The following LIFR variants were observed in gnomAD, a reference collection of about 807,000 sequenced individuals.
The protein encoded by LIFR is leukemia inhibitory factor receptor.
In LIFR, 84 loss-of-function variants were observed where a neutral mutation model predicts 122.2. The ratio of observed to expected loss-of-function variants is 0.69; its 90% CI spans 0.58 to 0.82. The LOEUF is 0.82. LIFR is among the 40% of genes least tolerant of loss of function. LIFR has a pLI of 0.00. For synonymous variants in LIFR, 422 were observed against 434.7 expected, an observed-to-expected ratio of 0.97 and a Z score of 0.36; for missense variants, 1,294 against 1,311.6, an observed-to-expected ratio of 0.99 and a Z score of 0.21.
rs1743810675 is a variant in LIFR at position 38,478,164 on chromosome 5, G to C, written c.*3431C>G. 9.6e-6 allele frequency: 2 copies of C among 209,168 alleles called. No homozygotes were observed. The highest frequency in any genetic ancestry group is 4.5e-5 in the African/African-American group (2 of 44,002). The allele number at this position is 209,168 out of a possible 1,614,324, so 13.0% of individuals were successfully genotyped here. A position where few individuals can be genotyped will look rare whatever the true frequency, so the allele number is the denominator to read the frequency against. On this transcript the variant is annotated 3_prime_UTR_variant, in exon 20 of 20. Coordinates refer to ENST00000453190, the MANE Select transcript of LIFR (RefSeq NM_001127671.2). ...GGACTTGCAATGTTTGTTAAATATGGACGGCATGAAGACAATTAAGAAACT... is the reference window on the plus strand; with the variant it reads ...GGACTTGCAATGTTTGTTAAATATGCACGGCATGAAGACAATTAAGAAACT...
In LIFR at chr5:38,490,251, A is replaced by G. The variant is rs1744510857; in HGVS notation, c.2106T>C (p.Tyr702=). ...ATTGATATCCTTGATTTCTGCATCCATACAGGAAAAAATTATATCTTATAC... is the reference window on the plus strand; with the variant it reads ...ATTGATATCCTTGATTTCTGCATCCGTACAGGAAAAAATTATATCTTATAC... ...RPGIRYNFFL[Y]GCRNQGYQLL... is the part of the protein sequence containing the mutation. The change falls in exon 15 of 20, where the codon TAT becomes TAC. Residue 702 remains tyrosine, a synonymous_variant. Transcript: ENST00000453190. 3 of 1,583,676 alleles carry G rather than the reference A, an allele frequency of 1.9e-6. No homozygotes were observed. The highest frequency in any genetic ancestry group is 2.6e-6 in the Non-Finnish European group (3 of 1,154,620).
chr5:38,558,190 A>ATG (rs1201026912), upstream of LIFR: 2 of 151,800 alleles, frequency 1.3e-5, no homozygotes, highest in Non-Finnish European at 2.9e-5. Flanking sequence ...GTATGTATAT[A>ATG]TGTGTGTGTG....
chr5:38,564,983 C>T (rs956172133), intron 1 of LIFR, among the ~76,000 whole-genome samples: 55 of 151,916 alleles, frequency 3.6e-4, no homozygotes, highest in African/African-American at 1.2e-3. Flanking sequence ...CCACATTGGC[C>T]AACTGATCTC....
chr5:38,574,360 C>T (rs1430576481), intron 1 of LIFR, among the ~76,000 whole-genome samples: 1 of 152,160 alleles, frequency 6.6e-6, no homozygotes, highest in East Asian at 1.9e-4. Context: ...TCAGACACTC[C>T]TCCCAGACCC....
chr5:38,560,609 T>C (rs372328147), upstream of LIFR, among the ~76,000 whole-genome samples: 1 of 152,004 alleles, frequency 6.6e-6, no homozygotes, highest in East Asian at 1.9e-4. Flanking sequence ...TTTGTTTTTT[T>C]TTTTTTAGGC....
At chr5:38,539,524 G>A (rs957956738) in intron 1 of LIFR, among the ~76,000 whole-genome samples, 1 of 152,120 alleles carries the variant, frequency 6.6e-6, no homozygotes, top group Non-Finnish European at 1.5e-5. Flanking sequence ...AGTCCTCGGT[G>A]AGGACTTAAA....
intron 11 of LIFR, among the ~76,000 whole-genome samples, chr5:38,501,282 A>G (rs1265170392): frequency 6.6e-6 from 1 of 152,208 alleles, no homozygotes; most frequent in Non-Finnish European, 1.5e-5. Flanking sequence ...TAATTCTTAC[A>G]CATGTCGCAA....
chr5:38,510,546 ATTACGAATCTTGATTGCAACATT>A lies in LIFR; in HGVS notation c.886_908del (p.Asn296TyrfsTer7). The A allele has an allele frequency of 6.2e-7, 1 of 1,614,012 alleles. No homozygotes were observed. Among genetic ancestry groups the A allele is most frequent in the Non-Finnish European group, 8.5e-7 (1 of 1,179,930 alleles). On this transcript the variant is annotated frameshift_variant, in exon 7 of 20. Coordinates refer to ENST00000453190, the MANE Select transcript of LIFR (RefSeq NM_001127671.2). LOFTEE classifies it high-confidence loss of function. The stretch of plus-strand genomic sequence containing the variant: ...TTCCACTACTTGCAGAAACAGAAAT[ATTACGAATCTTGATTGCAACATT>A]TTCCCCATCAAGATGGATCAAGGGG...
chr5:38,588,791 A>G (rs1338822362), intron 1 of LIFR, among the ~76,000 whole-genome samples: 4 of 152,232 alleles, frequency 2.6e-5, no homozygotes, highest in African/African-American at 9.6e-5. Context: ...TCTGAACTTG[A>G]GAATTTGCCT....
chr5:38,493,928 A>ACACTTCTAATCTTTGCTCT, intron 13 of LIFR, 143 bp from the exon 14 acceptor site: 1 of 704,896 alleles, frequency 1.4e-6, no homozygotes, highest in Non-Finnish European at 2.5e-6. Flanking sequence ...ACCTAGAGCA[A>ACACTTCTAATCTTTGCTCT]AGATTAGAAG....
chr5:38,540,025 C>A (rs530899710), intron 1 of LIFR, among the ~76,000 whole-genome samples: 20 of 152,150 alleles, frequency 1.3e-4, no homozygotes, highest in African/African-American at 3.9e-4. Context: ...GGATCTGTAG[C>A]CAACTCTGAC....
rs1743722590 is a variant in LIFR at position 38,476,384 on chromosome 5, A to G, written c.*5211T>C. The G allele has an allele frequency of 9.6e-6, 2 of 208,860 alleles. No individual in the cohort carries two copies. The highest frequency in any genetic ancestry group is 1.9e-5 in the Non-Finnish European group (2 of 102,620). The allele number at this position is 208,860 out of a possible 1,614,324, so 12.9% of individuals were successfully genotyped here. A position where few individuals can be genotyped will look rare whatever the true frequency, so the allele number is the denominator to read the frequency against. Reference sequence around the variant, plus strand: ...GAAAATAGTTCGGAAGCTGAAAGTTACCCATTTAAAATGGAATAATTCTTA... The same window carrying G: ...GAAAATAGTTCGGAAGCTGAAAGTTGCCCATTTAAAATGGAATAATTCTTA... On this transcript the variant is annotated 3_prime_UTR_variant, in exon 20 of 20. Transcript: ENST00000453190.
chr5:38,579,521 C>A (rs1246154292), intron 1 of LIFR: 3 of 152,074 alleles, frequency 2.0e-5, no homozygotes, highest in Admixed American at 6.6e-5. Flanking sequence ...ATCTCTAGAG[C>A]TATGCAATGT....
chr5:38,485,795 C>G (rs1264620677), intron 17 of LIFR, 24 bp downstream of exon 17: 1 of 1,613,780 alleles, frequency 6.2e-7, no homozygotes, highest in African/African-American at 1.3e-5. Flanking sequence ...ATGGAAAGCA[C>G]CTCAACAGCA....
chr5:38,532,672 C>A (rs539523343), intron 1 of LIFR, among the ~76,000 whole-genome samples: 2 of 152,170 alleles, frequency 1.3e-5, no homozygotes, highest in Non-Finnish European at 2.9e-5. Flanking sequence ...GAATTCTGGG[C>A]AAGTCTATTT....
At chr5:38,536,091 G>A (rs7727294) in intron 1 of LIFR, among the ~76,000 whole-genome samples, 1,996 of 152,184 alleles carry the variant, frequency 0.013, 46 homozygotes, top group African/African-American at 0.045. Context: ...GTAATTGCTG[G>A]GATAAAACAC....
In LIFR at chr5:38,493,767, T is replaced by C. The variant is rs1245018870; in HGVS notation, c.1904A>G (p.Gln635Arg). ...EIPNDDLKIE[Q>R]VVGMGKGILL... is the part of the protein sequence containing the mutation. ...AATCCCCTTTCCCATCCCAACAACT[T>C]GTTCTATTTTGAGATCATCTTCAAT... is the stretch of plus-strand genomic sequence containing the variant. Residue 635 changes from glutamine (Q) to arginine (R), a missense_variant, in exon 14 of 20, where the codon CAA becomes CGA. By Grantham distance (43) the Gln-to-Arg change is conservative. Coordinates refer to ENST00000453190, the MANE Select transcript of LIFR (RefSeq NM_001127671.2). 6.2e-7 allele frequency: 1 copy of C among 1,613,964 alleles called. No homozygotes were observed. The highest frequency in any genetic ancestry group is 8.5e-7 in the Non-Finnish European group (1 of 1,179,938).
At chr5:38,562,308 T>C (rs1748868608) in intron 1 of LIFR, among the ~76,000 whole-genome samples, 1 of 152,224 alleles carries the variant, frequency 6.6e-6, no homozygotes, top group Non-Finnish European at 1.5e-5. Flanking sequence ...TTCTTAGCCA[T>C]TGAGCCTCCA....
intron 13 of LIFR, 96 bp downstream of exon 13, chr5:38,496,286 C>A: frequency 1.0e-6 from 1 of 985,160 alleles, no homozygotes; most frequent in Non-Finnish European, 1.6e-6. Flanking sequence ...ACAAGGTATA[C>A]GAGAAGAAGG....
Sources: allele counts gnomAD v4.1 joint callset (sites outside exome capture counted in the v4.1 genomes callset), GRCh38; gene constraint gnomAD v4.1.1; transcripts MANE v1.5; gene names NCBI Gene and HGNC (gene_info 2026-07-23, HGNC 2026-07-21).